GALNT18: variants seen among roughly 807,000 people sequenced by gnomAD.
GALNT18 encodes GalNAc-transferase 18.
Under a neutral mutation model 69.5 loss-of-function variants are expected in GALNT18, and 44 were observed. The observed-to-expected ratio is 0.63, with a 90% CI of 0.50 to 0.81. GALNT18 has a LOEUF of 0.81. Among genes scored for constraint, GALNT18 ranks in the 40% least tolerant of loss-of-function variants. GALNT18 has a pLI of 0.00. For missense variants in GALNT18, 715 were observed against 810.0 expected (o/e 0.88, Z 1.42); for synonymous variants, 364 against 318.2 (o/e 1.14, Z -1.53).
At chr11:11,273,656 TAAAAC>T (rs1848873790) in intron 10 of GALNT18, among the ~76,000 whole-genome samples, 1 of 151,992 alleles carries the variant, frequency 6.6e-6, no homozygotes, top group Non-Finnish European at 1.5e-5. Context: ...AAACTGAAAA[TAAAAC>T]TACTGTATAA....
intron 2 of GALNT18, among the ~76,000 whole-genome samples, chr11:11,448,064 G>T (rs1437947761): frequency 6.6e-6 from 1 of 152,170 alleles, no homozygotes; most frequent in East Asian, 1.9e-4. Context: ...CTGTGGAGCT[G>T]AACTGAATCT....
chr11:11,481,406 C>T (rs1856527342), intron 1 of GALNT18, among the ~76,000 whole-genome samples: 1 of 152,188 alleles, frequency 6.6e-6, no homozygotes, highest in Admixed American at 6.5e-5. Flanking sequence ...AAGGGGGAAA[C>T]ATGAGACAAG....
At chr11:11,329,362 AC>A (rs1275064299) in intron 8 of GALNT18, among the ~76,000 whole-genome samples, 2 of 152,300 alleles carry the variant, frequency 1.3e-5, no homozygotes, top group East Asian at 3.9e-4. Flanking sequence ...TCTCATAATG[AC>A]TAGCCAGCCC....
chr11:11,524,832 A>T (rs994962965), intron 1 of GALNT18, among the ~76,000 whole-genome samples: 1 of 152,248 alleles, frequency 6.6e-6, no homozygotes, highest in African/African-American at 2.4e-5. Flanking sequence ...AATAGGACTC[A>T]GTCTCTGCCT....
chr11:11,441,986 C>G (rs970243300), intron 2 of GALNT18, among the ~76,000 whole-genome samples: 1 of 152,166 alleles, frequency 6.6e-6, no homozygotes, highest in East Asian at 1.9e-4. Flanking sequence ...GTCACTGTAA[C>G]AAATTATTAC....
At position 11,497,058 on chromosome 11, in the gene GALNT18, C is replaced by G. The variant is rs1856877997; in HGVS notation, c.236-48122G>C. Among the ~76,000 whole-genome samples, 1 of 152,280 alleles carries G rather than the reference C, an allele frequency of 6.6e-6. No individual in the cohort carries two copies. ...TGCTAGAGCCACATGGGCCTTCCTG[C>G]TTCCAGGCTCATTCCCACCTCAGGG... On this transcript the variant is annotated intron_variant, in intron 1 of 10. Transcript: ENST00000227756. The surrounding 1 kb of genome is among the most constrained non-coding windows in gnomAD (Gnocchi z 4.2).
Position 11,413,696 on chromosome 11 carries a change from G to C in GALNT18, c.595+18925C>G, listed in dbSNP as rs1205279868. 6.6e-6 allele frequency among the ~76,000 whole-genome samples: 1 copy of C among 152,138 alleles called. No individual in the cohort carries two copies. Among genetic ancestry groups the C allele is most frequent in the East Asian group, 1.9e-4 (1 of 5,178 alleles). On this transcript the variant is annotated intron_variant, in intron 3 of 10. Transcript: ENST00000227756. The surrounding 1 kb of genome is among the most constrained non-coding windows in gnomAD (Gnocchi z 4.7). ...GGAGTCTGGGAAGTTGACTACTCCA[G>C]GGGTCCAGGCCCTGGTTCTTTGAAG... is the stretch of plus-strand genomic sequence containing the variant.
chr11:11,565,558 G>A (rs1011784772), intron 1 of GALNT18, among the ~76,000 whole-genome samples: 1 of 152,210 alleles, frequency 6.6e-6, no homozygotes, highest in Non-Finnish European at 1.5e-5. Flanking sequence ...AATTCCACAA[G>A]ATGGTCCTAA....
intron 3 of GALNT18, among the ~76,000 whole-genome samples, chr11:11,384,886 C>T (rs572496341): frequency 1.3e-5 from 2 of 152,268 alleles, no homozygotes; most frequent in Non-Finnish European, 2.9e-5. Flanking sequence ...GTTTAAAAGG[C>T]GTGTGGTAGA....
In GALNT18 at chr11:11,603,382, A is replaced by G. The variant is rs1222937974; in HGVS notation, c.235+17977T>C. ...AAGCCTAACTGTATGTATGTGGCCA[A>G]AGGGAGTGTGGCCTGCCAAAGGTGG... On this transcript the variant is annotated intron_variant, in intron 1 of 10. Coordinates refer to ENST00000227756, the MANE Select transcript of GALNT18 (RefSeq NM_198516.3). This position sits in a 1 kb window ranked among gnomAD's most constrained non-coding sequence, Gnocchi z 4.5. Among the ~76,000 whole-genome samples the G allele has an allele frequency of 1.3e-5, 2 of 152,186 alleles. No homozygotes were observed. Among genetic ancestry groups the G allele is most frequent in the Non-Finnish European group, 2.9e-5 (2 of 68,030 alleles).
At chr11:11,457,583 G>A (rs1422361129) in intron 1 of GALNT18, among the ~76,000 whole-genome samples, 3 of 152,206 alleles carry the variant, frequency 2.0e-5, no homozygotes, top group Admixed American at 1.3e-4. Context: ...AAGTCCTACC[G>A]AAGGGTCAGA....
intron 6 of GALNT18, among the ~76,000 whole-genome samples, chr11:11,345,065 C>T (rs1191868874): frequency 6.6e-6 from 1 of 152,172 alleles, no homozygotes; most frequent in Middle Eastern, 3.2e-3. Context: ...AAACAGGCCA[C>T]AGAAGACAGG....
intron 3 of GALNT18, among the ~76,000 whole-genome samples, chr11:11,392,373 A>C (rs1239683856): frequency 6.6e-6 from 1 of 152,120 alleles, no homozygotes; most frequent in Non-Finnish European, 1.5e-5. Flanking sequence ...TAATCCCAGC[A>C]CTCTGGGAGG....
chr11:11,567,076 A>G (rs1034437022), intron 1 of GALNT18, among the ~76,000 whole-genome samples: 1 of 152,210 alleles, frequency 6.6e-6, no homozygotes, highest in Non-Finnish European at 1.5e-5. Flanking sequence ...ATGGAAGAAC[A>G]AGCAGCCAGC....
At chr11:11,276,826 T>G (rs1848960074) in intron 10 of GALNT18, among the ~76,000 whole-genome samples, 1 of 152,220 alleles carries the variant, frequency 6.6e-6, no homozygotes, top group Non-Finnish European at 1.5e-5. Context: ...TTGATTTGTG[T>G]ATGTTGAACC....
intron 1 of GALNT18, among the ~76,000 whole-genome samples, chr11:11,462,798 G>A (rs946116428): frequency 4.6e-5 from 7 of 152,118 alleles, no homozygotes; most frequent in South Asian, 2.1e-4. Context: ...TTCTAGGACC[G>A]GGAAGTAAAA....
At chr11:11,446,080 T>C (rs560023087) in intron 2 of GALNT18, among the ~76,000 whole-genome samples, 301 of 152,306 alleles carry the variant, frequency 2.0e-3, no homozygotes, top group Non-Finnish European at 3.5e-3. Context: ...AAAGCCACGA[T>C]CCGGCATCTG....
chr11:11,349,564 T>C (rs1352522108), intron 6 of GALNT18, among the ~76,000 whole-genome samples: 1 of 152,222 alleles, frequency 6.6e-6, no homozygotes, highest in African/African-American at 2.4e-5. Flanking sequence ...AGGTTTTTTG[T>C]TGTTTATGTG....
chr11:11,280,813 T>G (rs1344212605), intron 10 of GALNT18, among the ~76,000 whole-genome samples: 1 of 152,194 alleles, frequency 6.6e-6, no homozygotes, highest in Non-Finnish European at 1.5e-5. Flanking sequence ...CTGATGGGTG[T>G]GAAGCACAGC....
Sources: allele counts gnomAD v4.1 joint callset (sites outside exome capture counted in the v4.1 genomes callset), GRCh38; gene constraint gnomAD v4.1.1; non-coding constraint Gnocchi (gnomAD v3.1); transcripts MANE v1.5; gene names NCBI Gene and HGNC (gene_info 2026-07-23, HGNC 2026-07-21).